The following PTPRK variants were observed in gnomAD, a reference collection of about 807,000 sequenced individuals.
PTPRK encodes the protein protein tyrosine phosphatase receptor type K.
PTPRK carries 75 observed loss-of-function variants against 178.0 expected under a neutral mutation model. The observed-to-expected ratio is 0.42, with a 90% CI of 0.35 to 0.51. The LOEUF (loss-of-function observed/expected upper bound fraction) is 0.51, where lower values mean the gene tolerates loss of function less well. PTPRK is among the 20% of genes least tolerant of loss of function. The pLI is 0.02. For synonymous variants in PTPRK, 637 were observed against 620.6 expected (o/e 1.03, Z -0.39); for missense variants, 1,441 against 1,797.8 (o/e 0.80, Z 3.59).
chr6:128,227,832 CAATT>C (rs533871606), intron 5 of PTPRK, among the ~76,000 whole-genome samples: 61 of 151,930 alleles, frequency 4.0e-4, no homozygotes, highest in Non-Finnish European at 5.7e-4. Context: ...AATGAAATGA[CAATT>C]AAGGAAAATT....
intron 2 of PTPRK, among the ~76,000 whole-genome samples, chr6:128,369,480 C>T (rs1371859220): frequency 6.6e-6 from 1 of 152,112 alleles, no homozygotes; most frequent in African/African-American, 2.4e-5. Flanking sequence ...ACCTGGTAAA[C>T]AAAATACTGC....
At chr6:128,156,859 A>G (rs978479567) in intron 7 of PTPRK, among the ~76,000 whole-genome samples, 13 of 152,012 alleles carry the variant, frequency 8.6e-5, no homozygotes, top group African/African-American at 3.1e-4. Context: ...CACTGGCAGT[A>G]TAGCATCATG....
chr6:128,461,234 G>A (rs1849016737), intron 1 of PTPRK, among the ~76,000 whole-genome samples: 1 of 145,960 alleles, frequency 6.9e-6, no homozygotes, highest in Non-Finnish European at 1.5e-5. Context: ...GTTATTCCGT[G>A]TGTGTGTGTG....
intron 13 of PTPRK, among the ~76,000 whole-genome samples, chr6:128,054,474 T>C (rs907960885): frequency 7.9e-5 from 12 of 152,356 alleles, no homozygotes; most frequent in African/African-American, 2.9e-4. Context: ...TTAATAATTT[T>C]CAACTCCAAT....
intron 7 of PTPRK, among the ~76,000 whole-genome samples, chr6:128,181,851 C>G (rs1159997768): frequency 4.6e-5 from 7 of 152,018 alleles, no homozygotes; most frequent in Admixed American, 2.0e-4. Context: ...TACTATATAT[C>G]AATTATGTTC....
intron 13 of PTPRK, among the ~76,000 whole-genome samples, chr6:128,031,327 C>A (rs1022504094): frequency 6.6e-6 from 1 of 152,220 alleles, no homozygotes; most frequent in African/African-American, 2.4e-5. Context: ...CATTTTCTTT[C>A]AAACTGCAGC....
chr6:128,108,067 AAAACACACACACACACAC>A (rs1790011991), intron 7 of PTPRK, among the ~76,000 whole-genome samples: 2 of 126,152 alleles, frequency 1.6e-5, no homozygotes, highest in East Asian at 2.6e-4. Flanking sequence ...CCTAAATAGC[AAAACACACACACACACAC>A]ACACACACAC....
intron 7 of PTPRK, among the ~76,000 whole-genome samples, chr6:128,157,503 T>G (rs535340089): frequency 6.6e-6 from 1 of 152,012 alleles, no homozygotes; most frequent in Non-Finnish European, 1.5e-5. Context: ...TATGGATTAT[T>G]ATACAGCTTG....
intron 24 of PTPRK, 63 bp downstream of exon 24, chr6:127,982,768 G>T: frequency 6.9e-7 from 1 of 1,449,442 alleles, no homozygotes. Flanking sequence ...TCCTTGAAAG[G>T]ATTCCTAGCG....
intron 2 of PTPRK, among the ~76,000 whole-genome samples, chr6:128,349,873 GT>G (rs1177428871): frequency 3.9e-5 from 6 of 152,046 alleles, no homozygotes; most frequent in Admixed American, 1.3e-4. Context: ...TATGGGTCAG[GT>G]GACCACATAA....
At chr6:128,472,263 T>A (rs1429767381) in intron 1 of PTPRK, among the ~76,000 whole-genome samples, 2 of 152,236 alleles carry the variant, frequency 1.3e-5, no homozygotes, top group Middle Eastern at 3.4e-3. Flanking sequence ...AGAAGCCCGG[T>A]TGTGTTGCTT....
At chr6:128,240,367 T>G (rs1393973142) in intron 4 of PTPRK, among the ~76,000 whole-genome samples, 1 of 152,164 alleles carries the variant, frequency 6.6e-6, no homozygotes, top group Non-Finnish European at 1.5e-5. Context: ...TTACTTACTG[T>G]TCCATAATTG....
At chr6:128,032,840 C>G (rs139150906) in intron 13 of PTPRK, among the ~76,000 whole-genome samples, 1 of 152,080 alleles carries the variant, frequency 6.6e-6, no homozygotes, top group Non-Finnish European at 1.5e-5. Flanking sequence ...TATGTCACTG[C>G]GGGAATATCA....
chr6:128,086,063 G>A (rs980364526), intron 8 of PTPRK, among the ~76,000 whole-genome samples: 1 of 152,144 alleles, frequency 6.6e-6, no homozygotes, highest in African/African-American at 2.4e-5. Flanking sequence ...ACTGATTGCA[G>A]GGAATGTCAC....
At chr6:128,005,922 T>A (rs1778362540) in intron 14 of PTPRK, 3 of 901,488 alleles carry the variant, frequency 3.3e-6, no homozygotes, top group Non-Finnish European at 4.7e-6. Context: ...AAAAACTTTT[T>A]TTTTGAAATG....
At chr6:128,433,849 A>G (rs1450953492) in intron 1 of PTPRK, among the ~76,000 whole-genome samples, 1 of 148,618 alleles carries the variant, frequency 6.7e-6, no homozygotes, top group African/African-American at 2.5e-5. Flanking sequence ...TTTTACAGAC[A>G]TTTATAAGTA....
chr6:128,297,931 C>A (rs921778798), intron 3 of PTPRK, among the ~76,000 whole-genome samples: 5 of 152,198 alleles, frequency 3.3e-5, no homozygotes, highest in African/African-American at 9.6e-5. Context: ...ATTAATGAAT[C>A]CAGGAGCTGG....
intron 1 of PTPRK, among the ~76,000 whole-genome samples, chr6:128,444,064 G>A (rs537297736): frequency 3.7e-4 from 57 of 152,220 alleles, no homozygotes; most frequent in African/African-American, 1.3e-3. Flanking sequence ...TGTTGGCCAG[G>A]CTGGTCTTGA....
chr6:128,018,417 T>C (rs1779853732), intron 13 of PTPRK, among the ~76,000 whole-genome samples: 1 of 152,134 alleles, frequency 6.6e-6, no homozygotes, highest in South Asian at 2.1e-4. Flanking sequence ...AATTCTGCTT[T>C]TCATAGCATC....
Sources: allele counts gnomAD v4.1 joint callset (sites outside exome capture counted in the v4.1 genomes callset), GRCh38; gene constraint gnomAD v4.1.1; transcripts MANE v1.5; gene names NCBI Gene and HGNC (gene_info 2026-07-23, HGNC 2026-07-21).